FNIP1: variants seen among roughly 807,000 people sequenced by gnomAD.
FNIP1 encodes the protein folliculin interacting protein 1.
FNIP1 carries 40 observed loss-of-function variants against 124.5 expected under a neutral mutation model. The ratio of observed to expected loss-of-function variants is 0.32; its 90% confidence interval spans 0.25 to 0.42. The LOEUF (loss-of-function observed/expected upper bound fraction) is 0.42, where lower values mean the gene tolerates loss of function less well. Ranked by LOEUF, FNIP1 falls within the 10% of genes least tolerant of loss-of-function variation. The probability of loss-of-function intolerance (pLI) is 1.00; values close to 1 mark genes in which losing one functional copy is unlikely to be tolerated. For missense variants in FNIP1, 1,176 were observed against 1,403.7 expected, an observed-to-expected ratio of 0.84 and a Z score of 2.59; for synonymous variants, 472 against 470.6, an observed-to-expected ratio of 1.00 and a Z score of -0.04.
intron 2 of FNIP1, among the ~76,000 whole-genome samples, chr5:131,731,959 T>C (rs1770108438): frequency 6.6e-6 from 1 of 152,226 alleles, no homozygotes; most frequent in Non-Finnish European, 1.5e-5. Flanking sequence ...AATGAGAATA[T>C]ACTAATGTAA....
intron 1 of FNIP1, among the ~76,000 whole-genome samples, chr5:131,763,971 G>C (rs1430003221): frequency 6.6e-6 from 1 of 152,128 alleles, no homozygotes; most frequent in Admixed American, 6.5e-5. Flanking sequence ...GGAGGTGACT[G>C]GATGATGGGG....
chr5:131,652,975 AAAC>A (rs904746566), intron 15 of FNIP1, among the ~76,000 whole-genome samples: 3 of 152,236 alleles, frequency 2.0e-5, no homozygotes, highest in Admixed American at 1.3e-4. Context: ...AAAAAAACAC[AAAC>A]AACAACAACA....
intron 2 of FNIP1, among the ~76,000 whole-genome samples, chr5:131,733,473 T>G (rs913566875): frequency 1.4e-4 from 22 of 152,292 alleles, no homozygotes; most frequent in East Asian, 5.8e-4. Flanking sequence ...GTCTGTCATA[T>G]ATAGCTCTTA....
At chr5:131,691,316 T>C (rs1390617772) in intron 11 of FNIP1, among the ~76,000 whole-genome samples, 5 of 152,186 alleles carry the variant, frequency 3.3e-5, no homozygotes, top group African/African-American at 9.6e-5. Context: ...ATTCAACTTA[T>C]CAATACTTGT....
chr5:131,792,630 T>G (rs1364804866), intron 1 of FNIP1, among the ~76,000 whole-genome samples: 1 of 152,160 alleles, frequency 6.6e-6, no homozygotes, highest in African/African-American at 2.4e-5. Context: ...TAGTCCAAAA[T>G]TTTTTTGATC....
At chr5:131,742,329 T>C (rs1770538659) in intron 2 of FNIP1, among the ~76,000 whole-genome samples, 1 of 152,092 alleles carries the variant, frequency 6.6e-6, no homozygotes, top group Non-Finnish European at 1.5e-5. Flanking sequence ...CCAGGTGTGG[T>C]GGTGCACACC....
intron 15 of FNIP1, among the ~76,000 whole-genome samples, chr5:131,660,029 C>T (rs535377351): frequency 7.2e-5 from 11 of 152,306 alleles, no homozygotes; most frequent in East Asian, 3.9e-4. Context: ...GAGGGGAAGA[C>T]GGCCCGGGGG....
At chr5:131,775,261 T>C (rs1019751522) in intron 1 of FNIP1, among the ~76,000 whole-genome samples, 7 of 152,156 alleles carry the variant, frequency 4.6e-5, no homozygotes, top group Admixed American at 4.6e-4. Context: ...AGAGCTTTTT[T>C]TGCCCCCTGG....
intron 3 of FNIP1, among the ~76,000 whole-genome samples, chr5:131,720,113 C>T (rs2149542937): frequency 6.6e-6 from 1 of 152,238 alleles, no homozygotes; most frequent in East Asian, 1.9e-4. Context: ...TACAAAGCTA[C>T]AGTAGTGAAA....
intron 2 of FNIP1, among the ~76,000 whole-genome samples, chr5:131,733,437 T>C (rs193011267): frequency 6.6e-6 from 1 of 152,312 alleles, no homozygotes; most frequent in African/African-American, 2.4e-5. Context: ...CCAGTTTTTG[T>C]CCATTCAGTA....
intron 2 of FNIP1, among the ~76,000 whole-genome samples, chr5:131,743,198 T>C (rs1386236404): frequency 1.3e-5 from 2 of 151,228 alleles, no homozygotes; most frequent in African/African-American, 2.4e-5. Context: ...TTAAGGGAGA[T>C]AGTATATAGG....
At chr5:131,724,671 T>A (rs1484859659) in intron 3 of FNIP1, among the ~76,000 whole-genome samples, 3 of 152,192 alleles carry the variant, frequency 2.0e-5, no homozygotes, top group Admixed American at 6.5e-5. Flanking sequence ...TTGACTCTGA[T>A]GATAGTTTCT....
chr5:131,671,659 T>C lies in FNIP1; in HGVS notation c.2785A>G (p.Thr929Ala), dbSNP rs527619993. 7 of 1,614,160 alleles carry C rather than the reference T, an allele frequency of 4.3e-6. No homozygotes were observed. In the South Asian group the frequency reaches 6.6e-5, roughly 15 times the overall value. ...TCATTTCTTGGAATGTCCCATTCAGTTCCTACAGCAATTTTTTTATCTGAA... is the reference window on the plus strand; with the variant it reads ...TCATTTCTTGGAATGTCCCATTCAGCTCCTACAGCAATTTTTTTATCTGAA... ...ESSDKKIAVGTEWDIPRNESS... is the reference protein window; with the variant it reads ...ESSDKKIAVGAEWDIPRNESS... The change falls in exon 14 of 18, where the codon ACT becomes GCT. Residue 929 changes from threonine to alanine, a missense_variant. Physicochemically the swap from Thr to Ala is moderately conservative, Grantham distance 58. This residue lies in a region of FNIP1 where 1,109 missense variants were observed against 1,288.5 expected (regional missense o/e 0.86). Transcript: ENST00000510461.
chr5:131,724,332 T>C (rs1211415551), intron 3 of FNIP1, among the ~76,000 whole-genome samples: 2 of 152,334 alleles, frequency 1.3e-5, no homozygotes, highest in East Asian at 3.9e-4. Flanking sequence ...ACCAACAGTG[T>C]AAAAGTGTTC....
At chr5:131,701,935 C>A (rs1209017946) in intron 10 of FNIP1, among the ~76,000 whole-genome samples, 2 of 152,062 alleles carry the variant, frequency 1.3e-5, no homozygotes, top group African/African-American at 4.8e-5. Flanking sequence ...TCTTTGTATC[C>A]TTTCCCTTCC....
intron 1 of FNIP1, among the ~76,000 whole-genome samples, chr5:131,777,377 GT>G (rs1428949120): frequency 6.6e-6 from 1 of 151,886 alleles, no homozygotes; most frequent in Non-Finnish European, 1.5e-5. Context: ...ACTAAATGCT[GT>G]TCCTACCAAA....
At chr5:131,669,695 G>C (rs974270567) in intron 15 of FNIP1, among the ~76,000 whole-genome samples, 8 of 151,960 alleles carry the variant, frequency 5.3e-5, no homozygotes, top group African/African-American at 1.7e-4. Context: ...GAATAAAAGA[G>C]AACTGCCTGT....
chr5:131,687,169 A>G (rs1001668195), intron 11 of FNIP1, among the ~76,000 whole-genome samples: 7 of 151,488 alleles, frequency 4.6e-5, no homozygotes, highest in Non-Finnish European at 7.4e-5. Context: ...GCAATGGCAC[A>G]ATCTCGGCTC....
chr5:131,677,523 G>T, intron 13 of FNIP1, 180 bp downstream of exon 13: 1 of 534,418 alleles, frequency 1.9e-6, no homozygotes, highest in Non-Finnish European at 3.2e-6. Context: ...TATAAGGAAT[G>T]ATTTCAGGTC....
Sources: gnomAD v4.1 joint callset for allele counts (sites outside exome capture counted in the v4.1 genomes callset) on GRCh38, gnomAD v4.1.1 for gene constraint, gnomAD v4.1.1 regional missense constraint, MANE v1.5 for transcripts, NCBI Gene and HGNC (gene_info 2026-07-23, HGNC 2026-07-21) for gene names.